The following ENPP1 variants were observed in gnomAD, a reference collection of about 807,000 sequenced individuals.
ENPP1 encodes ectonucleotide pyrophosphatase/phosphodiesterase 1, also known as ectonucleotide pyrophosphatase/phosphodiesterase family member 1.
A neutral mutation model predicts 122.8 loss-of-function variants in ENPP1; 73 were observed. That is an observed-to-expected ratio of 0.59 (90% CI 0.49 to 0.72). ENPP1 has a LOEUF of 0.72. Among genes scored for constraint, ENPP1 ranks in the 30% least tolerant of loss-of-function variants. ENPP1 has a pLI of 0.00. For missense variants in ENPP1, 978 were observed against 1,128.1 expected (o/e 0.87, Z 1.91); for synonymous variants, 367 against 391.6 (o/e 0.94, Z 0.74).
rs1042696909 is a variant in ENPP1, at chr6:131,868,074, G to C, written c.1221G>C (p.Leu407=). ...TGGTTGGTATGCTGATGGATGGTCTGAAAGAGCTGAACTTGCACAGATGCC... is the reference window on the plus strand; with the variant it reads ...TGGTTGGTATGCTGATGGATGGTCTCAAAGAGCTGAACTTGCACAGATGCC... ...DGMVGMLMDG[L]KELNLHRCLN... Residue 407 remains leucine, a synonymous_variant, in exon 12 of 25, where the codon CTG becomes CTC. Transcript: ENST00000647893. The C allele has an allele frequency of 1.2e-6, 2 of 1,613,786 alleles. No homozygotes were observed. Among genetic ancestry groups the C allele is most frequent in the Middle Eastern group, 1.7e-4 (1 of 6,058 alleles).
chr6:131,857,995 G>C (rs1781971069), intron 6 of ENPP1, among the ~76,000 whole-genome samples: 1 of 152,152 alleles, frequency 6.6e-6, no homozygotes, highest in Admixed American at 6.5e-5. Flanking sequence ...ATTCTGAACT[G>C]ATGGAAGGCA....
intron 15 of ENPP1, among the ~76,000 whole-genome samples, chr6:131,873,405 G>T (rs1435946087): frequency 6.6e-6 from 1 of 152,062 alleles, no homozygotes; most frequent in East Asian, 1.9e-4. Flanking sequence ...CCATTGTTCT[G>T]GCTTTTCATA....
intron 2 of ENPP1, among the ~76,000 whole-genome samples, chr6:131,848,306 C>A (rs1585813609): frequency 6.6e-6 from 1 of 152,198 alleles, no homozygotes; most frequent in East Asian, 1.9e-4. Context: ...ATATATTTTT[C>A]TTTCCATCAA....
chr6:131,880,095 A>G (rs1273322674), intron 20 of ENPP1, 61 bp downstream of exon 20: 1 of 1,480,192 alleles, frequency 6.8e-7, no homozygotes, highest in Non-Finnish European at 9.4e-7. Context: ...GCAGAACATT[A>G]AATGCATAGT....
chr6:131,867,927 C>CTTTTTTTTTTTTTTTTTTTTGTTTTTTT, intron 11 of ENPP1, 91 bp from the exon 12 acceptor site: 1 of 737,802 alleles, frequency 1.4e-6, no homozygotes, highest in Non-Finnish European at 2.3e-6. Context: ...TTGTTTCTTT[C>CTTTTTTTTTTTTTTTTTTTTGTTTTTTT]TTTTTTTTTT....
Position 131,808,057 on chromosome 6 carries a change from G to T in ENPP1, c.22G>T (p.Gly8Trp). The change falls in exon 1 of 25, where the codon GGG (glycine) becomes TGG (tryptophan). Residue 8 changes from glycine (G) to tryptophan (W), a missense_variant. Around this residue, in one of 3 missense-constraint regions of ENPP1, gnomAD observed 330 missense variants for 328.5 expected, o/e 1.00. Transcript: ENST00000647893. ...CACGATGGAGCGCGACGGCTGCGCG[G>T]GGGGCGGGAGCCGCGGCGGCGAGGG... MERDGCAGGGSRGGEGGR... is the reference protein window; with the variant it reads MERDGCAWGGSRGGEGGR... 5 of 990,428 alleles carry T rather than the reference G, an allele frequency of 5.0e-6. No individual in the cohort carries two copies. Among genetic ancestry groups the T allele is most frequent in the Non-Finnish European group, 6.0e-6 (5 of 834,066 alleles). 61.4% of individuals were successfully genotyped at this position (990,428 alleles called of 1,614,324 possible). A position where few individuals can be genotyped will look rare whatever the true frequency, so the allele number is the denominator to read the frequency against.
At chr6:131,867,120 G>A (rs185080933) in intron 11 of ENPP1, among the ~76,000 whole-genome samples, 1 of 152,232 alleles carries the variant, frequency 6.6e-6, no homozygotes, top group Non-Finnish European at 1.5e-5. Flanking sequence ...CAACATTACT[G>A]GCACACCAAA....
Position 131,869,439 on chromosome 6 carries a change from G to A in ENPP1, c.1355G>A (p.Gly452Glu). The stretch of plus-strand genomic sequence containing the variant: ...GTTAAAAATATTAAAGTTATCTATG[G>A]ACCTGCAGCTCGATTGAGACCCTCT... ...GDVKNIKVIY[G>E]PAARLRPSDV... Residue 452 changes from glycine to glutamate, a missense_variant, in exon 13 of 25, where the codon GGA becomes GAA. This residue lies in a region of ENPP1 where 644 missense variants were observed against 781.5 expected (regional missense o/e 0.82). Coordinates refer to ENST00000647893, the MANE Select transcript of ENPP1 (RefSeq NM_006208.3). The A allele has an allele frequency of 6.2e-7, 1 of 1,612,884 alleles. No individual in the cohort carries two copies. The highest frequency in any genetic ancestry group is 8.5e-7 in the Non-Finnish European group (1 of 1,179,122).
intron 10 of ENPP1, 108 bp downstream of exon 10, chr6:131,864,679 T>G (rs1782066504): frequency 2.3e-6 from 2 of 857,724 alleles, no homozygotes; most frequent in Non-Finnish European, 3.8e-6. Flanking sequence ...ATGTTTTATA[T>G]CGAAATAAAT....
intron 13 of ENPP1, among the ~76,000 whole-genome samples, chr6:131,870,432 CT>C (rs1474306381): frequency 2.0e-5 from 3 of 152,118 alleles, no homozygotes; most frequent in Non-Finnish European, 4.4e-5. Context: ...CCTCTGTTAC[CT>C]CCCTCTCTTT....
chr6:131,873,672 G>A (rs370318018), intron 15 of ENPP1, among the ~76,000 whole-genome samples: 33 of 151,948 alleles, frequency 2.2e-4, no homozygotes, highest in African/African-American at 7.5e-4. Context: ...CTCACAACTT[G>A]TTCATTAACT....
At chr6:131,808,409 G>GCGC in intron 1 of ENPP1, 134 bp downstream of exon 1, 1 of 1,179,538 alleles carries the variant, frequency 8.5e-7, no homozygotes, top group Non-Finnish European at 1.1e-6. Flanking sequence ...TTCTTCGCCC[G>GCGC]CGCGCTCTCC....
At chr6:131,844,038 A>G (rs1781774484) in intron 1 of ENPP1, among the ~76,000 whole-genome samples, 1 of 152,006 alleles carries the variant, frequency 6.6e-6, no homozygotes, top group Admixed American at 6.6e-5. Context: ...TCTGAGCCTA[A>G]CCCTCTGAGA....
chr6:131,865,505 G>A (rs1005117599), intron 11 of ENPP1, among the ~76,000 whole-genome samples: 12 of 152,318 alleles, frequency 7.9e-5, no homozygotes, highest in Admixed American at 2.6e-4. Flanking sequence ...GTAACATCTC[G>A]TTTGACCTGA....
chr6:131,848,304 T>A (rs1381892368), intron 2 of ENPP1, among the ~76,000 whole-genome samples: 1 of 152,214 alleles, frequency 6.6e-6, no homozygotes, highest in East Asian at 1.9e-4. Flanking sequence ...AGATATATTT[T>A]TCTTTCCATC....
intron 4 of ENPP1, among the ~76,000 whole-genome samples, chr6:131,851,800 C>T (rs1781885343): frequency 6.6e-6 from 1 of 151,860 alleles, no homozygotes; most frequent in Non-Finnish European, 1.5e-5. Context: ...CAGAACCTGA[C>T]TCTATATGAG....
rs1239837593 is a variant in ENPP1 at position 131,894,778 on chromosome 6, C to T, written c.*4267C>T. The T allele has an allele frequency of 6.6e-6, 1 of 152,170 alleles. No individual in the cohort carries two copies. Among genetic ancestry groups the T allele is most frequent in the East Asian group, 1.9e-4 (1 of 5,190 alleles). 9.4% of individuals were successfully genotyped at this position (152,170 alleles called of 1,614,324 possible). A position where few individuals can be genotyped will look rare whatever the true frequency, so the allele number is the denominator to read the frequency against. ...GGACTGGTAGGCCTGTTGGCTGTTC[C>T]TGTTTAAGGAGACAAGATGGGCATG... is the stretch of plus-strand genomic sequence containing the variant. On this transcript the variant is annotated 3_prime_UTR_variant, in exon 25 of 25. Coordinates refer to ENST00000647893, the MANE Select transcript of ENPP1 (RefSeq NM_006208.3).
At chr6:131,836,068 A>C (rs952680764) in intron 1 of ENPP1, among the ~76,000 whole-genome samples, 1 of 152,020 alleles carries the variant, frequency 6.6e-6, no homozygotes, top group Non-Finnish European at 1.5e-5. Context: ...TTTTAAAAGA[A>C]AGATGTGACA....
At chr6:131,810,456 C>CG (rs113657649) in intron 1 of ENPP1, among the ~76,000 whole-genome samples, 2 of 146,848 alleles carry the variant, frequency 1.4e-5, no homozygotes, top group African/African-American at 5.1e-5. Context: ...CCGCCCCCCC[C>CG]CCAAAAACTT....
Sources: allele counts gnomAD v4.1 joint callset (sites outside exome capture counted in the v4.1 genomes callset), GRCh38; gene constraint gnomAD v4.1.1; regional missense constraint gnomAD v4.1.1; transcripts MANE v1.5; gene names NCBI Gene and HGNC (gene_info 2026-07-23, HGNC 2026-07-21).